The following ZNF385B variants were observed in gnomAD, a reference collection of about 807,000 sequenced individuals.
ZNF385B encodes zinc finger protein 533.
Under a neutral mutation model 39.2 loss-of-function variants are expected in ZNF385B, and 23 were observed. That is an observed-to-expected ratio of 0.59 (90% CI 0.42 to 0.83). ZNF385B has a LOEUF of 0.83. Ranked by LOEUF, ZNF385B falls within the 40% of genes least tolerant of loss-of-function variation. The probability of loss-of-function intolerance (pLI) is 0.00; values close to 1 mark genes in which losing one functional copy is unlikely to be tolerated. For missense variants in ZNF385B, 552 were observed against 598.9 expected, an observed-to-expected ratio of 0.92 and a Z score of 0.82; for synonymous variants, 205 against 222.6, an observed-to-expected ratio of 0.92 and a Z score of 0.70.
rs576211790 is a variant in ZNF385B, at chr2:179,552,555, C to A, written c.299-7586G>T. Among the ~76,000 whole-genome samples the A allele has an allele frequency of 3.3e-4, 50 of 149,350 alleles. 8 individuals are homozygous for A. Among genetic ancestry groups the A allele is most frequent in the African/African-American group, 1.2e-3 (49 of 39,770 alleles). On this transcript the variant is annotated intron_variant, in intron 3 of 9. Transcript: ENST00000410066. ...GTGGCATTTCAGATTTTCTGCCATA[C>A]TCAGTTTTCTTTTTTCATTGCTTTC...
At chr2:179,723,115 A>T (rs1183634361) in intron 3 of ZNF385B, among the ~76,000 whole-genome samples, 1 of 152,210 alleles carries the variant, frequency 6.6e-6, no homozygotes, top group Admixed American at 6.5e-5. Flanking sequence ...GTCAGAGTGT[A>T]AACTGATACT....
intron 5 of ZNF385B, among the ~76,000 whole-genome samples, chr2:179,500,182 A>C (rs946882898): frequency 2.6e-5 from 4 of 152,110 alleles, no homozygotes; most frequent in African/African-American, 9.7e-5. Context: ...GGAAGAATTA[A>C]TATTGTTAAA....
At chr2:179,604,955 T>C (rs887466164) in intron 3 of ZNF385B, among the ~76,000 whole-genome samples, 2 of 152,136 alleles carry the variant, frequency 1.3e-5, no homozygotes, top group Non-Finnish European at 2.9e-5. Flanking sequence ...AGTAATTTGT[T>C]TCCCACATTG....
chr2:179,735,655 G>A (rs1411135571), intron 3 of ZNF385B, among the ~76,000 whole-genome samples: 2 of 149,594 alleles, frequency 1.3e-5, no homozygotes, highest in Admixed American at 1.3e-4. Context: ...ATGATAGACT[G>A]GATTAAGAAA....
At chr2:179,714,961 A>AAAAAAAAAAAAAAAAAAAAAAAAAAAT (rs1553516033) in intron 3 of ZNF385B, among the ~76,000 whole-genome samples, 1 of 150,614 alleles carries the variant, frequency 6.6e-6, no homozygotes. Context: ...AAAAAAAAAA[A>AAAAAAAAAAAAAAAAAAAAAAAAAAAT]CAGTTTCCTG....
chr2:179,641,005 A>G (rs1465970765), intron 3 of ZNF385B, among the ~76,000 whole-genome samples: 2 of 152,190 alleles, frequency 1.3e-5, no homozygotes, highest in African/African-American at 4.8e-5. Context: ...GGATCTATTC[A>G]GCACAAATTT....
intron 3 of ZNF385B, among the ~76,000 whole-genome samples, chr2:179,682,835 T>G (rs1413354299): frequency 1.3e-5 from 2 of 152,158 alleles, no homozygotes; most frequent in Non-Finnish European, 2.9e-5. Context: ...GTCTCTGAAC[T>G]TCACAGCTGA....
At chr2:179,631,192 A>G (rs1242509539) in intron 3 of ZNF385B, among the ~76,000 whole-genome samples, 3 of 152,186 alleles carry the variant, frequency 2.0e-5, no homozygotes, top group Non-Finnish European at 2.9e-5. Context: ...ACTCCTCGAC[A>G]CGAGCAACCA....
chr2:179,714,881 T>C (rs1447882926), intron 3 of ZNF385B, among the ~76,000 whole-genome samples: 3 of 144,928 alleles, frequency 2.1e-5, no homozygotes, highest in African/African-American at 5.1e-5. Context: ...GAGGTAGAGG[T>C]TGCTGTGGGC....
intron 3 of ZNF385B, among the ~76,000 whole-genome samples, chr2:179,742,667 C>T (rs553584979): frequency 6.6e-6 from 1 of 152,058 alleles, no homozygotes; most frequent in South Asian, 2.1e-4. Flanking sequence ...AACTTTCTCA[C>T]TAAAGTATAC....
intron 1 of ZNF385B, among the ~76,000 whole-genome samples, chr2:179,782,433 A>T (rs551137813): frequency 1.5e-4 from 23 of 152,288 alleles, no homozygotes; most frequent in African/African-American, 5.1e-4. Context: ...CAAGACAAGG[A>T]TGCCCTCTCT....
chr2:179,515,238 C>T (rs1181990688), intron 5 of ZNF385B, among the ~76,000 whole-genome samples: 1 of 152,200 alleles, frequency 6.6e-6, no homozygotes, highest in Non-Finnish European at 1.5e-5. Flanking sequence ...TTTTACTCTT[C>T]TTAAATTAAC....
chr2:179,829,691 T>A (rs1187757179), intron 1 of ZNF385B, among the ~76,000 whole-genome samples: 1 of 152,134 alleles, frequency 6.6e-6, no homozygotes, highest in Non-Finnish European at 1.5e-5. Context: ...TTTTTTGTAT[T>A]TTTAGTAGAG....
chr2:179,718,593 T>C (rs1004188292), intron 3 of ZNF385B, among the ~76,000 whole-genome samples: 1 of 150,030 alleles, frequency 6.7e-6, no homozygotes, highest in African/African-American at 2.4e-5. Flanking sequence ...CTTTGAGCTA[T>C]ACTTAAATGT....
intron 3 of ZNF385B, among the ~76,000 whole-genome samples, chr2:179,591,370 C>A (rs17818499): frequency 0.25 from 37,931 of 151,704 alleles, 5,746 homozygotes; most frequent in Non-Finnish European, 0.33. Flanking sequence ...AGAATATATA[C>A]CTTATTGACC....
chr2:179,644,036 C>T (rs1230385661), intron 3 of ZNF385B, among the ~76,000 whole-genome samples: 1 of 152,028 alleles, frequency 6.6e-6, no homozygotes, highest in East Asian at 1.9e-4. Flanking sequence ...ACACCCCCCA[C>T]CCCACAACTA....
intron 3 of ZNF385B, among the ~76,000 whole-genome samples, chr2:179,761,518 T>C (rs1703384656): frequency 6.6e-6 from 1 of 152,102 alleles, no homozygotes; most frequent in African/African-American, 2.4e-5. Flanking sequence ...TTATAAATGG[T>C]ATTTGCATTT....
chr2:179,673,188 A>G (rs1328152067), intron 3 of ZNF385B, among the ~76,000 whole-genome samples: 1 of 152,164 alleles, frequency 6.6e-6, no homozygotes, highest in Non-Finnish European at 1.5e-5. Flanking sequence ...GAAGTAACAT[A>G]TATGTTCCAG....
At chr2:179,634,717 G>T (rs894394710) in intron 3 of ZNF385B, among the ~76,000 whole-genome samples, 15 of 152,098 alleles carry the variant, frequency 9.9e-5, no homozygotes, top group Non-Finnish European at 1.5e-5. Flanking sequence ...ATACCCAAAG[G>T]ATTATAAATC....
Sources: allele counts gnomAD v4.1 joint callset (sites outside exome capture counted in the v4.1 genomes callset), GRCh38; gene constraint gnomAD v4.1.1; transcripts MANE v1.5; gene names NCBI Gene and HGNC (gene_info 2026-07-23, HGNC 2026-07-21).